Variants in NEK10 observed in about 807,000 individuals in gnomAD.
NEK10 encodes the protein NIMA related kinase 10.
Under a neutral mutation model 159.8 loss-of-function variants are expected in NEK10, and 122 were observed. That is an observed-to-expected ratio of 0.76 (90% CI 0.66 to 0.89). NEK10 has a LOEUF of 0.89. NEK10 is among the 40% of genes least tolerant of loss of function. The pLI, the probability that NEK10 is intolerant of heterozygous loss-of-function variation, is 0.00. For missense variants in NEK10, 1,342 were observed against 1,323.1 expected (o/e 1.01, Z -0.22); for synonymous variants, 466 against 457.1 (o/e 1.02, Z -0.25).
rs138864884 is a variant in NEK10 at position 27,213,771 on chromosome 3, C to T, written c.2091-11214G>A. Among the ~76,000 whole-genome samples, 558 of 152,186 alleles carry T rather than the reference C, an allele frequency of 3.7e-3. 1 individual carries two copies. The highest frequency in any genetic ancestry group is 0.014 in the Middle Eastern group (4 of 294). On this transcript the variant is annotated intron_variant, in intron 23 of 35. Transcript: ENST00000691995. ...AACCTGACTCTGGTGTAGCATCACA[C>T]GACAGATAGCAGGCCCTGAAAAAAA...
chr3:27,215,950 T>A, intron 23 of NEK10: 1 of 566,234 alleles, frequency 1.8e-6, no homozygotes, highest in Non-Finnish European at 3.2e-6. Flanking sequence ...TTCGCCCCCA[T>A]AATACAATCA....
At chr3:27,320,228 G>C (rs1409215990) in intron 6 of NEK10, among the ~76,000 whole-genome samples, 1 of 152,070 alleles carries the variant, frequency 6.6e-6, no homozygotes, top group Non-Finnish European at 1.5e-5. Context: ...TTTTCCTTCA[G>C]AGGGCAATAC....
At chr3:27,123,642 G>A (rs768748820) in intron 32 of NEK10, among the ~76,000 whole-genome samples, 90 of 152,130 alleles carry the variant, frequency 5.9e-4, no homozygotes, top group South Asian at 6.2e-4. Context: ...TCTGTGAAAT[G>A]TCCACCTAGA....
intron 29 of NEK10, among the ~76,000 whole-genome samples, chr3:27,168,252 A>G (rs1308154602): frequency 6.8e-6 from 1 of 146,362 alleles, no homozygotes; most frequent in Non-Finnish European, 1.5e-5. Flanking sequence ...ATGGCACAGA[A>G]TAGGAAAAAA....
chr3:27,141,373 A>C, intron 31 of NEK10, 109 bp downstream of exon 31: 2 of 731,220 alleles, frequency 2.7e-6, no homozygotes, highest in Non-Finnish European at 4.5e-6. Flanking sequence ...GTAGCTGGGG[A>C]GGATAAGAAC....
chr3:27,319,478 T>C (rs2045461511), intron 6 of NEK10, among the ~76,000 whole-genome samples: 1 of 152,200 alleles, frequency 6.6e-6, no homozygotes, highest in African/African-American at 2.4e-5. Context: ...CCCAGTGTGG[T>C]CTATTTAAAT....
In NEK10 at chr3:27,206,700, C is replaced by A. The variant is rs143855146; in HGVS notation, c.2091-4143G>T. ...CAGAGATGAAGGCTCTGTTACAAAC[C>A]ACTGACGAAAATAGGGTTAAAGCAG... is the stretch of plus-strand genomic sequence containing the variant. On this transcript the variant is annotated intron_variant, in intron 23 of 35. Transcript: ENST00000691995. 453 of 858,356 alleles carry A rather than the reference C, an allele frequency of 5.3e-4. No individual in the cohort carries two copies. The African/African-American group carries it at 7.6e-3, about 14-fold the overall frequency. 53.2% of individuals were successfully genotyped at this position (858,356 alleles called of 1,614,324 possible).
intron 1 of NEK10, among the ~76,000 whole-genome samples, chr3:27,360,162 G>A (rs958216710): frequency 1.3e-5 from 2 of 152,130 alleles, no homozygotes; most frequent in Admixed American, 1.3e-4. Flanking sequence ...CATTGTTATT[G>A]TTCTTCAATG....
intron 5 of NEK10, among the ~76,000 whole-genome samples, chr3:27,342,755 T>C (rs1188181047): frequency 6.6e-6 from 1 of 152,016 alleles, no homozygotes; most frequent in Non-Finnish European, 1.5e-5. Flanking sequence ...TCCCCCAAAG[T>C]ATTGACCCAA....
chr3:27,332,437 T>C (rs191217655), intron 5 of NEK10, among the ~76,000 whole-genome samples: 244 of 152,362 alleles, frequency 1.6e-3, no homozygotes, highest in African/African-American at 5.5e-3. Context: ...TTCTTTGTTT[T>C]TCCAAACATA....
Position 27,312,148 on chromosome 3 carries a change from G to C in NEK10, c.519C>G (p.Leu173=). ...QYMEIVANEY[L]GYGEEQHTVD... ...CAGTGTGCTGCTCTTCTCCATAGCC[G>C]AGGTACTCATTGGCTACAATCTCCA... Residue 173 remains leucine (L), a synonymous_variant, in exon 8 of 36, where the codon CTC becomes CTG. Coordinates refer to ENST00000691995, the MANE Select transcript of NEK10 (RefSeq NM_001394966.1). 3 of 1,611,466 alleles carry C rather than the reference G, an allele frequency of 1.9e-6. No homozygotes were observed. Among genetic ancestry groups the C allele is most frequent in the South Asian group, 1.1e-5 (1 of 90,500 alleles).
At position 27,184,178 on chromosome 3, in the gene NEK10, G is replaced by A. The variant is rs567833774; in HGVS notation, c.2505+7851C>T. On this transcript the variant is annotated intron_variant, in intron 26 of 35. Transcript: ENST00000691995. ...AAGAAATTCCAAATCTGGAGAAAAC[G>A]TAAGTGTTCATCAACAGGACAGATA... 6.6e-5 allele frequency among the ~76,000 whole-genome samples: 10 copies of A among 152,278 alleles called. No homozygotes were observed. The South Asian group carries it at 8.3e-4, about 13-fold the overall frequency.
At chr3:27,311,874 G>T (rs1231657478) in intron 8 of NEK10, 1 of 478,544 alleles carries the variant, frequency 2.1e-6, no homozygotes, top group Non-Finnish European at 3.7e-6. Flanking sequence ...AGCCTCTCTT[G>T]CATTAAATAA....
intron 30 of NEK10, among the ~76,000 whole-genome samples, chr3:27,152,896 A>G (rs1380259524): frequency 1.3e-5 from 2 of 152,246 alleles, no homozygotes; most frequent in Non-Finnish European, 2.9e-5. Flanking sequence ...TTAAAGCAAC[A>G]GCAGTTAAAA....
Position 27,111,014 on chromosome 3 carries a change from C to T in NEK10, c.*258G>A, listed in dbSNP as rs1939457851. 2 of 326,902 alleles carry T rather than the reference C, an allele frequency of 6.1e-6. No homozygotes were observed. The highest frequency in any genetic ancestry group is 1.1e-5 in the Non-Finnish European group (2 of 180,846). The allele number at this position is 326,902 out of a possible 1,614,324, so 20.3% of individuals were successfully genotyped here. A position where few individuals can be genotyped will look rare whatever the true frequency, so the allele number is the denominator to read the frequency against. On this transcript the variant is annotated 3_prime_UTR_variant, in exon 36 of 36. Transcript: ENST00000691995. ...CCCACCCTCCAAAAGATGAATTTTG[C>T]AGCATTTTCTCCCAGCAGCACACTG...
chr3:27,217,348 G>A (rs1410841790), intron 23 of NEK10, among the ~76,000 whole-genome samples: 3 of 152,192 alleles, frequency 2.0e-5, no homozygotes, highest in African/African-American at 7.2e-5. Context: ...GGCTATAGAA[G>A]AGGCATGACT....
chr3:27,257,554 C>A (rs1956332872), intron 22 of NEK10, among the ~76,000 whole-genome samples: 1 of 152,016 alleles, frequency 6.6e-6, no homozygotes, highest in South Asian at 2.1e-4. Flanking sequence ...AATAATAATA[C>A]ACGTTTACTA....
At position 27,110,671 on chromosome 3, in the gene NEK10, C is replaced by T. The variant is rs1451942784; in HGVS notation, c.*601G>A. On this transcript the variant is annotated 3_prime_UTR_variant, in exon 36 of 36. Coordinates refer to ENST00000691995, the MANE Select transcript of NEK10 (RefSeq NM_001394966.1). ...GTTACAAATACTGTCTACACTGTATCACAGTTCAAGACCACTAGCACCCAA... is the reference window on the plus strand; with the variant it reads ...GTTACAAATACTGTCTACACTGTATTACAGTTCAAGACCACTAGCACCCAA... 6.6e-6 allele frequency: 1 copy of T among 152,102 alleles called. No homozygotes were observed. Among genetic ancestry groups the T allele is most frequent in the Non-Finnish European group, 1.5e-5 (1 of 68,026 alleles). The allele number at this position is 152,102 out of a possible 1,614,324, so 9.4% of individuals were successfully genotyped here.
intron 11 of NEK10, among the ~76,000 whole-genome samples, chr3:27,305,562 C>G (rs1230219901): frequency 2.6e-5 from 4 of 151,096 alleles, no homozygotes; most frequent in African/African-American, 9.7e-5. Context: ...AACCTACTGA[C>G]CAGCAAATAG....
Sources: gnomAD v4.1 joint callset for allele counts (sites outside exome capture counted in the v4.1 genomes callset) on GRCh38, gnomAD v4.1.1 for gene constraint, MANE v1.5 for transcripts, NCBI Gene and HGNC (gene_info 2026-07-23, HGNC 2026-07-21) for gene names.